Variants in LRMDA observed in about 807,000 individuals in gnomAD.
LRMDA encodes leucine-rich melanocyte differentiation-associated protein.
In LRMDA, 18 loss-of-function variants were observed where a neutral mutation model predicts 29.8. The observed-to-expected ratio is 0.60, with a 90% CI of 0.42 to 0.90. The LOEUF is 0.90. LRMDA is among the 40% of genes least tolerant of loss of function. The pLI is 0.00. For missense variants in LRMDA, 273 were observed against 273.9 expected (o/e 1.00, Z 0.02); for synonymous variants, 125 against 109.4 (o/e 1.14, Z -0.89).
At chr10:76,115,200 C>A (rs990922883) in intron 5 of LRMDA, among the ~76,000 whole-genome samples, 1 of 152,190 alleles carries the variant, frequency 6.6e-6, no homozygotes, top group South Asian at 2.1e-4. Context: ...TTTAATTTTC[C>A]TTACTATTGA....
chr10:76,269,108 C>A (rs187524033), intron 5 of LRMDA, among the ~76,000 whole-genome samples: 1 of 151,930 alleles, frequency 6.6e-6, no homozygotes, highest in Admixed American at 6.6e-5. Flanking sequence ...CTCCCGGGGT[C>A]GTAGTTCATG....
At chr10:76,238,709 C>T (rs372971564) in intron 5 of LRMDA, among the ~76,000 whole-genome samples, 1 of 150,320 alleles carries the variant, frequency 6.7e-6, no homozygotes. Context: ...ACAACATCAA[C>T]AATGTAATAA....
chr10:75,753,289 A>T (rs914458852), intron 2 of LRMDA, among the ~76,000 whole-genome samples: 1 of 152,206 alleles, frequency 6.6e-6, no homozygotes, highest in Non-Finnish European at 1.5e-5. Flanking sequence ...TGGGGACCTT[A>T]CCTTTGGGAA....
chr10:75,765,217 T>G (rs1843147992), intron 2 of LRMDA, among the ~76,000 whole-genome samples: 2 of 151,990 alleles, frequency 1.3e-5, no homozygotes, highest in South Asian at 4.2e-4. Context: ...TAGGTGTCTT[T>G]TTTTTTTTTC....
chr10:76,125,530 A>T (rs1204526882), intron 5 of LRMDA, among the ~76,000 whole-genome samples: 1 of 152,202 alleles, frequency 6.6e-6, no homozygotes, highest in African/African-American at 2.4e-5. Context: ...TCATTTAATA[A>T]AAAAAATTGA....
In LRMDA at chr10:76,026,073, G is replaced by GA. The variant is rs966204404; in HGVS notation, c.132-9925dup. On this transcript the variant is annotated intron_variant, in intron 2 of 6. Transcript: ENST00000611255. ...ACCTAATGCATACTTAACTTCAAAG[G>GA]AAAAAAAAAATCTAAGAACTAGCTC... Among the ~76,000 whole-genome samples, 37 of 149,180 alleles carry GA rather than the reference G, an allele frequency of 2.5e-4. No homozygotes were observed. In the East Asian group the frequency reaches 3.9e-3, roughly 16 times the overall value.
chr10:75,749,667 T>A (rs1163169477), intron 2 of LRMDA, among the ~76,000 whole-genome samples: 1 of 151,786 alleles, frequency 6.6e-6, no homozygotes, highest in African/African-American at 2.4e-5. Context: ...TTCTTGGGTG[T>A]TTCTCGGAGA....
chr10:76,085,847 C>A (rs1219750481), intron 5 of LRMDA, among the ~76,000 whole-genome samples: 1 of 152,214 alleles, frequency 6.6e-6, no homozygotes, highest in Non-Finnish European at 1.5e-5. Flanking sequence ...CTCACACCCC[C>A]ATCCTCTTCC....
intron 2 of LRMDA, among the ~76,000 whole-genome samples, chr10:75,921,424 A>G (rs530311516): frequency 6.6e-6 from 1 of 152,322 alleles, no homozygotes; most frequent in East Asian, 1.9e-4. Context: ...TATTCATGGG[A>G]GGAATGGATG....
intron 5 of LRMDA, among the ~76,000 whole-genome samples, chr10:76,323,799 T>G (rs2132397367): frequency 6.6e-6 from 1 of 152,224 alleles, no homozygotes; most frequent in African/African-American, 2.4e-5. Flanking sequence ...GGCCTTGGAG[T>G]GACACATTTG....
intron 6 of LRMDA, among the ~76,000 whole-genome samples, chr10:76,555,710 A>C (rs1417888946): frequency 6.6e-6 from 1 of 151,686 alleles, no homozygotes; most frequent in Non-Finnish European, 1.5e-5. Flanking sequence ...TACTACTTAG[A>C]ACTTCTGATG....
intron 2 of LRMDA, among the ~76,000 whole-genome samples, chr10:75,850,815 A>C (rs77702593): frequency 2.0e-5 from 3 of 152,130 alleles, no homozygotes; most frequent in African/African-American, 7.2e-5. Context: ...CTGGAAGCTG[A>C]AACTTGAAAG....
chr10:75,558,388 T>G (rs1202643611), intron 2 of LRMDA, among the ~76,000 whole-genome samples: 1 of 152,150 alleles, frequency 6.6e-6, no homozygotes, highest in Non-Finnish European at 1.5e-5. Context: ...AACATAAAAT[T>G]ATTCTTCAGT....
At chr10:75,768,345 A>G (rs1843195923) in intron 2 of LRMDA, among the ~76,000 whole-genome samples, 1 of 152,176 alleles carries the variant, frequency 6.6e-6, no homozygotes, top group African/African-American at 2.4e-5. Flanking sequence ...TTTGCTGTGC[A>G]TTATCTATTT....
intron 2 of LRMDA, among the ~76,000 whole-genome samples, chr10:75,863,712 C>T (rs1844972239): frequency 6.6e-6 from 1 of 152,172 alleles, no homozygotes; most frequent in Non-Finnish European, 1.5e-5. Flanking sequence ...GTTATTACAA[C>T]TCCAATGAGT....
intron 6 of LRMDA, among the ~76,000 whole-genome samples, chr10:76,376,573 G>A (rs1841521177): frequency 6.6e-6 from 1 of 152,014 alleles, no homozygotes; most frequent in Non-Finnish European, 1.5e-5. Flanking sequence ...TTTCCTTTGG[G>A]TAGATATGCA....
intron 2 of LRMDA, among the ~76,000 whole-genome samples, chr10:76,000,204 G>T (rs189411574): frequency 1.3e-5 from 2 of 152,130 alleles, no homozygotes; most frequent in Non-Finnish European, 2.9e-5. Context: ...GGAGGATGGC[G>T]CTGATGAATG....
intron 2 of LRMDA, among the ~76,000 whole-genome samples, chr10:75,817,282 G>T (rs1267980568): frequency 2.0e-5 from 3 of 152,198 alleles, no homozygotes; most frequent in Non-Finnish European, 4.4e-5. Flanking sequence ...GCCACATTTT[G>T]TTTTAATATA....
intron 2 of LRMDA, among the ~76,000 whole-genome samples, chr10:75,723,166 A>G (rs1281165439): frequency 1.3e-5 from 2 of 152,238 alleles, no homozygotes; most frequent in African/African-American, 4.8e-5. Flanking sequence ...AATGAAGGTT[A>G]GATCTTCAGC....
Sources: allele counts gnomAD v4.1 joint callset (sites outside exome capture counted in the v4.1 genomes callset), GRCh38; gene constraint gnomAD v4.1.1; transcripts MANE v1.5; gene names NCBI Gene and HGNC (gene_info 2026-07-23, HGNC 2026-07-21).